The following NIPSNAP1 variants were observed in gnomAD, a reference collection of about 807,000 sequenced individuals.
NIPSNAP1 encodes nipsnap homolog 1.
NIPSNAP1 carries 25 observed loss-of-function variants against 49.2 expected under a neutral mutation model. The ratio of observed to expected loss-of-function variants is 0.51; its 90% CI spans 0.37 to 0.71. The LOEUF (loss-of-function observed/expected upper bound fraction) is 0.71. NIPSNAP1 is among the 30% of genes least tolerant of loss of function. The pLI is 0.00. For missense variants in NIPSNAP1, 294 were observed against 361.0 expected (o/e 0.81, Z 1.50); for synonymous variants, 143 against 140.7 (o/e 1.02, Z -0.12).
intron 4 of NIPSNAP1, among the ~76,000 whole-genome samples, chr22:29,565,488 G>T (rs570741381): frequency 1.8e-4 from 27 of 152,224 alleles, no homozygotes; most frequent in Admixed American, 3.3e-4. Context: ...ACTCCAGCCT[G>T]GGCAACAGAG....
chr22:29,580,336 G>A (rs2064488409), intron 1 of NIPSNAP1: 2 of 932,240 alleles, frequency 2.1e-6, no homozygotes, highest in South Asian at 9.9e-5. Flanking sequence ...CCAGAGCAGG[G>A]CCCAAACAAA....
chr22:29,574,282 A>AG (rs1233663080), intron 1 of NIPSNAP1, among the ~76,000 whole-genome samples: 7,482 of 146,686 alleles, frequency 0.051, 633 homozygotes, highest in African/African-American at 0.094. Context: ...AAAAAAAAAA[A>AG]AAAAAAAAAA....
chr22:29,580,869 T>C, intron 1 of NIPSNAP1, 116 bp downstream of exon 1: 5 of 808,482 alleles, frequency 6.2e-6, no homozygotes, highest in South Asian at 2.0e-5. Context: ...CTGCCCCGCC[T>C]CTAACCCCCA....
intron 1 of NIPSNAP1, among the ~76,000 whole-genome samples, chr22:29,575,245 A>T (rs2064442617): frequency 6.6e-6 from 1 of 152,060 alleles, no homozygotes; most frequent in Admixed American, 6.6e-5. Context: ...ACCAAGATAA[A>T]TATCAGTCAA....
chr22:29,578,546 A>G (rs1194383902), intron 1 of NIPSNAP1, among the ~76,000 whole-genome samples: 1 of 151,296 alleles, frequency 6.6e-6, no homozygotes, highest in Non-Finnish European at 1.5e-5. Flanking sequence ...CTCACAGGCC[A>G]GAAGGGCTGC....
chr22:29,579,482 G>C (rs1160216697), intron 1 of NIPSNAP1, among the ~76,000 whole-genome samples: 1 of 151,856 alleles, frequency 6.6e-6, no homozygotes, highest in Non-Finnish European at 1.5e-5. Context: ...ATTTTTAGTA[G>C]AGATGGGGTT....
chr22:29,573,111 A>G (rs887043872), intron 1 of NIPSNAP1, among the ~76,000 whole-genome samples: 4 of 152,040 alleles, frequency 2.6e-5, no homozygotes, highest in African/African-American at 9.7e-5. Flanking sequence ...ATCTCCACTC[A>G]CTGCAACCTC....
chr22:29,579,552 C>T (rs1004893972), intron 1 of NIPSNAP1, among the ~76,000 whole-genome samples: 1 of 152,092 alleles, frequency 6.6e-6, no homozygotes. Flanking sequence ...GCCTCGGCCT[C>T]CCAAAGTGCT....
chr22:29,566,031 A>G (rs1175424624), intron 4 of NIPSNAP1, among the ~76,000 whole-genome samples: 2 of 152,320 alleles, frequency 1.3e-5, no homozygotes, highest in African/African-American at 4.8e-5. Flanking sequence ...TGGCTGTGCT[A>G]TGCAGACACT....
At chr22:29,575,011 G>A (rs976886789) in intron 1 of NIPSNAP1, among the ~76,000 whole-genome samples, 1 of 152,088 alleles carries the variant, frequency 6.6e-6, no homozygotes, top group African/African-American at 2.4e-5. Flanking sequence ...GCCCAAGGCC[G>A]CACAGAAAAT....
intron 4 of NIPSNAP1, 35 bp from the exon 5 acceptor site, chr22:29,561,897 C>T (rs1276735758): frequency 6.2e-7 from 1 of 1,607,434 alleles, no homozygotes; most frequent in Admixed American, 1.7e-5. Context: ...CAGTGAGCTG[C>T]TGGGACCCCC....
Position 29,558,948 on chromosome 22 carries a change from T to C in NIPSNAP1, c.712A>G (p.Lys238Glu). The change falls in exon 9 of 10, where the codon AAA becomes GAA. Residue 238 changes from lysine (K) to glutamate (E), a missense_variant. By Grantham distance (56) the Lys-to-Glu change is moderately conservative. This residue lies in a region of NIPSNAP1 where 146 missense variants were observed against 219.9 expected (regional missense o/e 0.66). Coordinates refer to ENST00000216121, the MANE Select transcript of NIPSNAP1 (RefSeq NM_003634.4). ...GTCTCCTCCCGAGACTGCAGGTCTT[T>C]ATAGGCTGTGAGAAAGGCACAGGCT... ...LYVVHHLWAY[K>E]DLQSREETRN... is the part of the protein sequence containing the mutation. 6.2e-7 allele frequency: 1 copy of C among 1,613,044 alleles called. No individual in the cohort carries two copies. The highest frequency in any genetic ancestry group is 8.5e-7 in the Non-Finnish European group (1 of 1,179,382).
intron 4 of NIPSNAP1, among the ~76,000 whole-genome samples, chr22:29,566,816 C>T (rs1038186015): frequency 3.3e-5 from 5 of 150,624 alleles, no homozygotes; most frequent in African/African-American, 9.8e-5. Flanking sequence ...CAGAGTGAGA[C>T]GCTGTCTCAA....
chr22:29,555,716 A>G lies in NIPSNAP1; in HGVS notation c.*219T>C. 3.4e-6 allele frequency: 2 copies of G among 581,366 alleles called. No homozygotes were observed. Among genetic ancestry groups the G allele is most frequent in the Non-Finnish European group, 6.3e-6 (2 of 319,740 alleles). 36.0% of individuals were successfully genotyped at this position (581,366 alleles called of 1,614,324 possible). The stretch of plus-strand genomic sequence containing the variant: ...TTCAGGGAAATCAGAAACTACTTCT[A>G]GCAGGGGGAGGGAGGCAGGCAGGGA... On this transcript the variant is annotated 3_prime_UTR_variant, in exon 10 of 10. Transcript: ENST00000216121.
intron 8 of NIPSNAP1, among the ~76,000 whole-genome samples, chr22:29,559,682 TCTC>T (rs1353486264): frequency 2.0e-5 from 3 of 152,010 alleles, no homozygotes; most frequent in African/African-American, 4.8e-5. Flanking sequence ...GGAATGCCCT[TCTC>T]CTTCTCTTGC....
chr22:29,561,040 G>C, intron 7 of NIPSNAP1, 131 bp downstream of exon 7: 1 of 993,862 alleles, frequency 1.0e-6, no homozygotes, highest in Non-Finnish European at 1.6e-6. Flanking sequence ...CCTTCTCCCA[G>C]ATCCATGAGG....
rs182507356 is a variant in NIPSNAP1 at position 29,570,569 on chromosome 22, T to C, written c.99-37A>G. ...AGGAGTTGAGGGGGACGCGCGGAGGTTGGGGGAGCCCCAGCAATTCCATCC... is the reference window on the plus strand; with the variant it reads ...AGGAGTTGAGGGGGACGCGCGGAGGCTGGGGGAGCCCCAGCAATTCCATCC... On this transcript the variant is annotated intron_variant, in intron 1 of 9. Transcript: ENST00000216121. 417 of 1,600,972 alleles carry C rather than the reference T, an allele frequency of 2.6e-4. No individual in the cohort carries two copies. In the African/African-American group the frequency reaches 4.2e-3, roughly 16 times the overall value.
chr22:29,560,341 G>A (rs765964192), intron 8 of NIPSNAP1, among the ~76,000 whole-genome samples: 13 of 150,818 alleles, frequency 8.6e-5, no homozygotes, highest in Non-Finnish European at 1.5e-4. Flanking sequence ...TCCACCTCCC[G>A]GGTTCAACTG....
intron 8 of NIPSNAP1, among the ~76,000 whole-genome samples, chr22:29,560,359 T>C (rs375759419): frequency 2.0e-5 from 3 of 152,080 alleles, no homozygotes; most frequent in African/African-American, 7.2e-5. Context: ...CTGATTCTCC[T>C]GCCTCATCCT....
Sources: gnomAD v4.1 joint callset for allele counts (sites outside exome capture counted in the v4.1 genomes callset) on GRCh38, gnomAD v4.1.1 for gene constraint, gnomAD v4.1.1 regional missense constraint, MANE v1.5 for transcripts, NCBI Gene and HGNC (gene_info 2026-07-23, HGNC 2026-07-21) for gene names.